MAPK10: variants seen among roughly 807,000 people sequenced by gnomAD.
MAPK10 encodes the protein mitogen-activated protein kinase 10, also known as JNK3 alpha protein kinase.
In MAPK10, 25 loss-of-function variants were observed where a neutral mutation model predicts 59.3. The ratio of observed to expected loss-of-function variants is 0.42; its 90% confidence interval spans 0.31 to 0.59. The LOEUF (loss-of-function observed/expected upper bound fraction) is 0.59. Ranked by LOEUF, MAPK10 falls within the 20% of genes least tolerant of loss-of-function variation. The pLI is 0.15. For missense variants in MAPK10, 351 were observed against 568.9 expected (o/e 0.62, Z 3.90); for synonymous variants, 190 against 200.5 (o/e 0.95, Z 0.44).
chr4:86,270,298 G>A (rs1195399058), intron 2 of MAPK10, among the ~76,000 whole-genome samples: 2 of 151,802 alleles, frequency 1.3e-5, no homozygotes, highest in Non-Finnish European at 2.9e-5. Context: ...TATTTCTTGG[G>A]AGGTAATTTT....
intron 4 of MAPK10, among the ~76,000 whole-genome samples, chr4:86,116,624 A>C (rs145124421): frequency 5.4e-4 from 83 of 152,316 alleles, no homozygotes; most frequent in African/African-American, 1.9e-3. Flanking sequence ...GCAGGCAAAA[A>C]GCTAGACAGT....
chr4:86,575,752 T>A (rs1207679658), intron 1 of MAPK10, among the ~76,000 whole-genome samples: 1 of 150,460 alleles, frequency 6.6e-6, no homozygotes, highest in Admixed American at 6.6e-5. Flanking sequence ...AAGAATGAGT[T>A]ACTACATCAT....
At chr4:86,086,052 A>G (rs1199713661) in intron 9 of MAPK10, among the ~76,000 whole-genome samples, 28 of 152,124 alleles carry the variant, frequency 1.8e-4, no homozygotes, top group Admixed American at 1.8e-3. Flanking sequence ...CATTAGGAAA[A>G]CTAGCTAATG....
chr4:86,447,749 A>G (rs2149052319), intron 1 of MAPK10, among the ~76,000 whole-genome samples: 1 of 152,260 alleles, frequency 6.6e-6, no homozygotes, highest in Admixed American at 6.5e-5. Context: ...ATACTACACT[A>G]TTATATTCCT....
rs184197738 is a variant in MAPK10 at position 86,490,567 on chromosome 4, T to A, written c.-263+103343A>T. On this transcript the variant is annotated intron_variant, in intron 1 of 4. Coordinates refer to the MAPK10 transcript ENST00000502302. The stretch of plus-strand genomic sequence containing the variant: ...AAACAAAAACTCCCTTCTATTTTGA[T>A]CTCTAGAGTCACCCCACAAAAAGGC... Among the ~76,000 whole-genome samples, 9 of 152,320 alleles carry A rather than the reference T, an allele frequency of 5.9e-5. No individual in the cohort carries two copies. The East Asian group carries it at 1.7e-3, about 29-fold the overall frequency.
intron 1 of MAPK10, among the ~76,000 whole-genome samples, chr4:86,449,421 C>T (rs1458063122): frequency 6.6e-6 from 1 of 152,166 alleles, no homozygotes; most frequent in Non-Finnish European, 1.5e-5. Flanking sequence ...TATTTAAGAC[C>T]ACCAATGGTT....
At chr4:86,244,610 C>T (rs2092957907) in intron 2 of MAPK10, among the ~76,000 whole-genome samples, 1 of 152,128 alleles carries the variant, frequency 6.6e-6, no homozygotes, top group African/African-American at 2.4e-5. Context: ...CTAATGAAAA[C>T]AGGCTCCTGT....
chr4:86,411,722 C>T (rs901173067), intron 1 of MAPK10, among the ~76,000 whole-genome samples: 3 of 152,092 alleles, frequency 2.0e-5, no homozygotes, highest in Non-Finnish European at 4.4e-5. Flanking sequence ...GGATTGCAAC[C>T]CCCACTTTTA....
chr4:86,570,997 C>T (rs1761403051), intron 1 of MAPK10, among the ~76,000 whole-genome samples: 1 of 151,998 alleles, frequency 6.6e-6, no homozygotes, highest in Admixed American at 6.6e-5. Context: ...TAACCAGCTA[C>T]CAGACAGCGT....
chr4:86,344,504 T>G (rs1259592902), intron 2 of MAPK10, among the ~76,000 whole-genome samples: 3 of 152,088 alleles, frequency 2.0e-5, no homozygotes, highest in Non-Finnish European at 2.9e-5. Context: ...AGCCCCCTAC[T>G]TTAATAGTGA....
At chr4:86,251,711 A>C (rs1390300914) in intron 2 of MAPK10, among the ~76,000 whole-genome samples, 1 of 128,106 alleles carries the variant, frequency 7.8e-6, no homozygotes, top group East Asian at 2.0e-4. Context: ...TGGCTGGGTC[A>C]AATGGTATTT....
chr4:86,466,989 G>A (rs1752261578), intron 1 of MAPK10, among the ~76,000 whole-genome samples: 1 of 152,230 alleles, frequency 6.6e-6, no homozygotes, highest in African/African-American at 2.4e-5. Context: ...ATCTTCAGCT[G>A]CAGTCCCTGG....
At chr4:86,032,895 G>A (rs780791125) in intron 11 of MAPK10, among the ~76,000 whole-genome samples, 4 of 152,182 alleles carry the variant, frequency 2.6e-5, no homozygotes, top group Admixed American at 2.0e-4. Context: ...GGGGCAGAAG[G>A]CTGTAAACCT....
chr4:86,170,552 A>T (rs1419192185), intron 3 of MAPK10, among the ~76,000 whole-genome samples: 2 of 152,060 alleles, frequency 1.3e-5, no homozygotes, highest in African/African-American at 4.8e-5. Flanking sequence ...CACCCAATAC[A>T]GGAGCACCCA....
At chr4:86,487,787 T>C (rs1468156931) in intron 1 of MAPK10, among the ~76,000 whole-genome samples, 1 of 151,150 alleles carries the variant, frequency 6.6e-6, no homozygotes, top group Non-Finnish European at 1.5e-5. Flanking sequence ...GGACTCCCTA[T>C]CTTTCAACCT....
At chr4:86,071,432 G>A (rs7667730) in intron 9 of MAPK10, among the ~76,000 whole-genome samples, 34,282 of 101,500 alleles carry the variant, frequency 0.34, 6,969 homozygotes, top group African/African-American at 0.53. Flanking sequence ...TTTTGTTGCC[G>A]TTGCTTTTGG....
intron 2 of MAPK10, among the ~76,000 whole-genome samples, chr4:86,263,491 C>T (rs192649621): frequency 6.6e-6 from 1 of 152,140 alleles, no homozygotes; most frequent in Non-Finnish European, 1.5e-5. Flanking sequence ...TTCCTCATTG[C>T]CCTCCCTCCA....
chr4:86,204,054 C>T (rs1246406800), intron 2 of MAPK10, among the ~76,000 whole-genome samples: 2 of 151,720 alleles, frequency 1.3e-5, no homozygotes, highest in East Asian at 1.9e-4. Flanking sequence ...TATAAATTGT[C>T]GATGGCTGCT....
intron 4 of MAPK10, among the ~76,000 whole-genome samples, chr4:86,127,252 AG>A (rs1470817184): frequency 6.6e-6 from 1 of 150,976 alleles, no homozygotes; most frequent in Non-Finnish European, 1.5e-5. Flanking sequence ...AAGCCCCATA[AG>A]GGCAGGGACC....
Sources: allele counts gnomAD v4.1 joint callset (sites outside exome capture counted in the v4.1 genomes callset), GRCh38; gene constraint gnomAD v4.1.1; transcripts MANE v1.5; gene names NCBI Gene and HGNC (gene_info 2026-07-23, HGNC 2026-07-21).